The following SOD2 variants were observed in gnomAD, a reference collection of about 807,000 sequenced individuals.
SOD2 encodes the protein superoxide dismutase [Mn], mitochondrial.
A neutral mutation model predicts 27.0 loss-of-function variants in SOD2; 11 were observed. That is an observed-to-expected ratio of 0.41 (90% CI 0.26 to 0.67). The LOEUF is 0.67. Ranked by LOEUF, SOD2 falls within the 30% of genes least tolerant of loss-of-function variation. The probability of loss-of-function intolerance (pLI) is 0.34; values close to 1 mark genes in which losing one functional copy is unlikely to be tolerated. For synonymous variants in SOD2, 105 were observed against 103.0 expected, an observed-to-expected ratio of 1.02 and a Z score of -0.12; for missense variants, 250 against 274.5, an observed-to-expected ratio of 0.91 and a Z score of 0.63.
At chr6:159,737,582 C>A (rs773622912) in intron 1 of SOD2, among the ~76,000 whole-genome samples, 1 of 152,052 alleles carries the variant, frequency 6.6e-6, no homozygotes, top group Non-Finnish European at 1.5e-5. Context: ...TGGCCTCATA[C>A]CCCAGCTTAT....
intron 1 of SOD2, among the ~76,000 whole-genome samples, chr6:159,751,117 A>T (rs1779803847): frequency 6.6e-6 from 1 of 152,178 alleles, no homozygotes. Context: ...TTGTAATTTT[A>T]AAAAATTATT....
chr6:159,682,203 T>A lies in SOD2; in HGVS notation c.*290A>T, dbSNP rs1779993902. On this transcript the variant is annotated 3_prime_UTR_variant, in exon 5 of 5. Coordinates refer to ENST00000538183, the MANE Select transcript of SOD2 (RefSeq NM_000636.4). ...GGCATCCCTACAAGTCCCCAAAGTA[T>A]ATGGATGGAATATTTTTGATGGTTT... 4.6e-6 allele frequency: 1 copy of A among 219,520 alleles called. No individual in the cohort carries two copies. The allele number at this position is 219,520 out of a possible 1,614,324, so 13.6% of individuals were successfully genotyped here. A position where few individuals can be genotyped will look rare whatever the true frequency, so the allele number is the denominator to read the frequency against.
At chr6:159,694,129 C>T (rs1777370880), upstream of SOD2, among the ~76,000 whole-genome samples, 1 of 152,200 alleles carries the variant, frequency 6.6e-6, no homozygotes, top group African/African-American at 2.4e-5. Context: ...TGTGTGTTTA[C>T]AGTAACTCTG....
intron 1 of SOD2, among the ~76,000 whole-genome samples, chr6:159,702,654 CAAAAAAAAA>C (rs750073120): frequency 0.013 from 531 of 39,862 alleles, 7 homozygotes; most frequent in African/African-American, 0.039. Flanking sequence ...TCTATCTCTC[CAAAAAAAAA>C]AAAAAAAAAA....
Position 159,674,903 on chromosome 6 carries a change from AG to A in SOD2, c.*7589del, listed in dbSNP as rs1779742100. ...TGATAAGCAACTTCAGCAAAATCTC[AG>A]GATACAAAATCAATGTGCAAAAATC... is the stretch of plus-strand genomic sequence containing the variant. On this transcript the variant is annotated 3_prime_UTR_variant, in exon 5 of 5. Transcript: ENST00000538183. The A allele has an allele frequency of 6.6e-6, 1 of 152,268 alleles. No homozygotes were observed. Among genetic ancestry groups the A allele is most frequent in the East Asian group, 1.9e-4 (1 of 5,202 alleles). 9.4% of individuals were successfully genotyped at this position (152,268 alleles called of 1,614,324 possible).
At chr6:159,762,182 T>C (rs1171516030) in exon 1 of SOD2, 5 of 1,592,586 alleles carry the variant, frequency 3.1e-6, no homozygotes, top group Admixed American at 1.7e-5. Context: ...CCGAGGCGCC[T>C]GCTGCTTCGG....
At chr6:159,686,701 A>G (rs891538051) in intron 3 of SOD2, among the ~76,000 whole-genome samples, 4 of 152,184 alleles carry the variant, frequency 2.6e-5, no homozygotes, top group Non-Finnish European at 5.9e-5. Flanking sequence ...CCAGTTTCCC[A>G]AGCTTACTCT....
upstream of SOD2, chr6:159,727,648 C>T (rs1778275279): frequency 2.0e-6 from 2 of 985,708 alleles, no homozygotes; most frequent in South Asian, 9.3e-5. Flanking sequence ...GCAGGGCAAG[C>T]AGCGCGGCCT....
chr6:159,749,085 GT>G (rs374140651), upstream of SOD2: 10 of 987,466 alleles, frequency 1.0e-5, no homozygotes, highest in African/African-American at 1.7e-4. Flanking sequence ...AATCAATGTG[GT>G]TTTATTCAAT....
At chr6:159,760,156 T>G (rs539380967) in intron 1 of SOD2, 1 of 151,934 alleles carries the variant, frequency 6.6e-6, no homozygotes, top group South Asian at 2.1e-4. Context: ...TTAGGGGGAG[T>G]TTCAGAGGTA....
At chr6:159,729,846 G>C (rs977067540), upstream of SOD2, among the ~76,000 whole-genome samples, 7 of 152,236 alleles carry the variant, frequency 4.6e-5, no homozygotes, top group African/African-American at 1.7e-4. Flanking sequence ...TTTGGCTGGC[G>C]CTTGCCTCCG....
chr6:159,718,331 T>A (rs902611288), intron 1 of SOD2, among the ~76,000 whole-genome samples: 1 of 152,214 alleles, frequency 6.6e-6, no homozygotes, highest in African/African-American at 2.4e-5. Context: ...CATTCATCTG[T>A]TGATGGACAC....
chr6:159,693,328 G>GGGCCCCCCCCCCCCC (rs1777334279), upstream of SOD2: 1 of 195,776 alleles, frequency 5.1e-6, no homozygotes, highest in Non-Finnish European at 8.4e-6. Context: ...CCGCCGCCCC[G>GGGCCCCCCCCCCCCC]CCCCCCCCCC....
chr6:159,686,540 C>G (rs752019919), intron 3 of SOD2, among the ~76,000 whole-genome samples: 5 of 151,978 alleles, frequency 3.3e-5, no homozygotes, highest in Non-Finnish European at 5.9e-5. Flanking sequence ...CCCAGCTACT[C>G]GGGAGGCTGA....
rs1201104208 is a variant in SOD2, at chr6:159,677,003, G to A, written c.*5490C>T. On this transcript the variant is annotated 3_prime_UTR_variant, in exon 5 of 5. Transcript: ENST00000538183. The stretch of plus-strand genomic sequence containing the variant: ...CAGCCATGCTGTCAAACCTCTCTGT[G>A]GATATGCTGTGTTAACTTCTGAGCC... The A allele has an allele frequency of 2.6e-5, 4 of 152,156 alleles. No individual in the cohort carries two copies. The allele number at this position is 152,156 out of a possible 1,614,324, so 9.4% of individuals were successfully genotyped here.
chr6:159,761,668 A>C (rs1191950114), exon 1 of SOD2: 4 of 426,784 alleles, frequency 9.4e-6, no homozygotes, highest in Non-Finnish European at 1.9e-5. Flanking sequence ...GTCACCCCCC[A>C]GTCTTTACTG....
chr6:159,722,048 A>G (rs1312518311), intron 1 of SOD2, among the ~76,000 whole-genome samples: 1 of 151,804 alleles, frequency 6.6e-6, no homozygotes, highest in Non-Finnish European at 1.5e-5. Flanking sequence ...TCAACTGGGT[A>G]TAAACCACAT....
intron 1 of SOD2, chr6:159,713,930 C>T: frequency 2.2e-6 from 2 of 897,282 alleles, no homozygotes; most frequent in Non-Finnish European, 3.6e-6. Context: ...TGAGCAGGAC[C>T]AGGATAGGCC....
chr6:159,706,858 A>G (rs1272517366), intron 1 of SOD2, among the ~76,000 whole-genome samples: 1 of 152,212 alleles, frequency 6.6e-6, no homozygotes, highest in Non-Finnish European at 1.5e-5. Context: ...AACTGACCAC[A>G]TAGTTGGAAG....
Sources: gnomAD v4.1 joint callset for allele counts (sites outside exome capture counted in the v4.1 genomes callset) on GRCh38, gnomAD v4.1.1 for gene constraint, MANE v1.5 for transcripts, NCBI Gene and HGNC (gene_info 2026-07-23, HGNC 2026-07-21) for gene names.